Variants in NOS1AP observed in about 807,000 individuals in gnomAD.
The protein encoded by NOS1AP is nitric oxide synthase 1 adaptor protein.
Under a neutral mutation model 56.2 loss-of-function variants are expected in NOS1AP, and 21 were observed. The observed-to-expected ratio is 0.37, with a 90% confidence interval of 0.26 to 0.54. The LOEUF is 0.54. NOS1AP is among the 20% of genes least tolerant of loss of function. The pLI is 0.84. For missense variants in NOS1AP, 522 were observed against 657.8 expected, an observed-to-expected ratio of 0.79 and a Z score of 2.26; for synonymous variants, 270 against 274.6, an observed-to-expected ratio of 0.98 and a Z score of 0.17.
intron 1 of NOS1AP, among the ~76,000 whole-genome samples, chr1:162,117,371 CTT>C (rs886700944): frequency 2.6e-5 from 4 of 152,120 alleles, no homozygotes; most frequent in Admixed American, 6.5e-5. Flanking sequence ...CTTGGTAAGT[CTT>C]TTTTTAAACT....
At chr1:162,099,374 T>A (rs1692328123) in intron 1 of NOS1AP, among the ~76,000 whole-genome samples, 1 of 152,088 alleles carries the variant, frequency 6.6e-6, no homozygotes, top group Non-Finnish European at 1.5e-5. Flanking sequence ...GTATTTTTAG[T>A]AGAGATGGGG....
chr1:162,256,199 A>G (rs556373081), intron 2 of NOS1AP, among the ~76,000 whole-genome samples: 2 of 152,250 alleles, frequency 1.3e-5, no homozygotes, highest in African/African-American at 4.8e-5. Context: ...GTAAGCAGAC[A>G]GGGGACAGAT....
rs72713884 is a variant in NOS1AP at position 162,116,694 on chromosome 1, T to C, written c.106-37711T>C. On this transcript the variant is annotated intron_variant, in intron 1 of 9. Transcript: ENST00000361897. ...CACATAGGGAAAGGACAACTGGGCA[T>C]GCAGAGGATGGGTACAGTTTCTGAA... 8.6e-3 allele frequency among the ~76,000 whole-genome samples: 1,308 copies of C among 152,326 alleles called. 11 individuals are homozygous for C. Among genetic ancestry groups the C allele is most frequent in the South Asian group, 0.022 (107 of 4,820 alleles).
At chr1:162,299,753 G>GGTGT (rs138847283) in intron 3 of NOS1AP, among the ~76,000 whole-genome samples, 3 of 151,152 alleles carry the variant, frequency 2.0e-5, no homozygotes, top group African/African-American at 7.3e-5. Flanking sequence ...GATTAAATGT[G>GGTGT]GTGTGTGTGT....
At position 162,163,964 on chromosome 1, in the gene NOS1AP, A is replaced by G. The variant is rs115845063; in HGVS notation, c.177+9488A>G. Among the ~76,000 whole-genome samples the G allele has an allele frequency of 2.7e-3, 407 of 152,342 alleles. 5 individuals carry two copies. Among genetic ancestry groups the G allele is most frequent in the African/African-American group, 9.2e-3 (384 of 41,590 alleles). ...GGGAATGATTTTTAAACTGGGGCAG[A>G]ACTGCTGAATGCATTATCTGTCAGC... On this transcript the variant is annotated intron_variant, in intron 2 of 9. Transcript: ENST00000361897.
intron 1 of NOS1AP, among the ~76,000 whole-genome samples, chr1:162,115,281 A>C (rs963225580): frequency 6.6e-6 from 1 of 152,234 alleles, no homozygotes; most frequent in African/African-American, 2.4e-5. Flanking sequence ...ATAAGGGAAA[A>C]TAAAACAGTA....
At chr1:162,241,462 A>G (rs1240961538) in intron 2 of NOS1AP, among the ~76,000 whole-genome samples, 1 of 152,194 alleles carries the variant, frequency 6.6e-6, no homozygotes. Context: ...TGATGATAAT[A>G]GCTAGTTAAA....
At chr1:162,138,529 G>C (rs905515430) in intron 1 of NOS1AP, among the ~76,000 whole-genome samples, 16 of 152,206 alleles carry the variant, frequency 1.1e-4, no homozygotes, top group Non-Finnish European at 2.1e-4. Context: ...GATAGATAGT[G>C]GAGGGAGAAG....
intron 2 of NOS1AP, among the ~76,000 whole-genome samples, chr1:162,178,792 T>C (rs1171461421): frequency 1.3e-5 from 2 of 152,248 alleles, no homozygotes; most frequent in Non-Finnish European, 2.9e-5. Context: ...GTTGTAGCCT[T>C]GCCTAGGTGC....
At chr1:162,280,448 A>G (rs1027295590) in intron 2 of NOS1AP, among the ~76,000 whole-genome samples, 21 of 152,346 alleles carry the variant, frequency 1.4e-4, no homozygotes, top group Non-Finnish European at 8.8e-5. Context: ...TTTGTGGCCC[A>G]AAGTAGTGTT....
chr1:162,135,708 G>A lies in NOS1AP; in HGVS notation c.106-18697G>A, dbSNP rs187245629. 5.8e-4 allele frequency among the ~76,000 whole-genome samples: 89 copies of A among 152,262 alleles called. 1 individual carries two copies. The highest frequency in any genetic ancestry group is 3.4e-3 in the Middle Eastern group (1 of 294). Reference sequence around the variant, plus strand: ...TTCTGACCTCTGGAAACTCGGGGACGGTGAATTTCAAGACCAAAAGTGGCA... The same window carrying A: ...TTCTGACCTCTGGAAACTCGGGGACAGTGAATTTCAAGACCAAAAGTGGCA... On this transcript the variant is annotated intron_variant, in intron 1 of 9. Coordinates refer to ENST00000361897, the MANE Select transcript of NOS1AP (RefSeq NM_014697.3).
intron 6 of NOS1AP, among the ~76,000 whole-genome samples, chr1:162,345,543 G>C (rs893072395): frequency 6.6e-6 from 1 of 152,098 alleles, no homozygotes; most frequent in African/African-American, 2.4e-5. Flanking sequence ...CAAAGGTTTA[G>C]TTATTTACGT....
In NOS1AP at chr1:162,327,568, T is replaced by G. The variant is rs375563378; in HGVS notation, c.345-5449T>G. On this transcript the variant is annotated intron_variant, in intron 4 of 9. Coordinates refer to ENST00000361897, the MANE Select transcript of NOS1AP (RefSeq NM_014697.3). Reference sequence around the variant, plus strand: ...ACTTGGAAAAGGAAATCATGAACACTGAGAGCTAGTCCTAAAAAACCAGTT... The same window carrying G: ...ACTTGGAAAAGGAAATCATGAACACGGAGAGCTAGTCCTAAAAAACCAGTT... Among the ~76,000 whole-genome samples the G allele has an allele frequency of 3.9e-5, 6 of 152,338 alleles. No individual in the cohort carries two copies. The East Asian group carries it at 1.2e-3, about 29-fold the overall frequency.
At chr1:162,344,038 G>A in intron 6 of NOS1AP, 62 bp downstream of exon 6, 1 of 1,580,922 alleles carries the variant, frequency 6.3e-7, no homozygotes, top group Non-Finnish European at 8.7e-7. Flanking sequence ...GGCTCTGGTG[G>A]ATCACTGCCC....
intron 8 of NOS1AP, among the ~76,000 whole-genome samples, chr1:162,362,356 C>T (rs1204065306): frequency 1.3e-5 from 2 of 150,970 alleles, no homozygotes; most frequent in Non-Finnish European, 2.9e-5. Flanking sequence ...GAGGATGAGG[C>T]AGGAGAATCG....
At chr1:162,162,387 G>A (rs1286685433) in intron 2 of NOS1AP, among the ~76,000 whole-genome samples, 3 of 152,316 alleles carry the variant, frequency 2.0e-5, no homozygotes, top group East Asian at 1.9e-4. Flanking sequence ...CATGGTGCAC[G>A]GTACTGAAGG....
Position 162,083,299 on chromosome 1 carries a change from A to T in NOS1AP, c.105+13017A>T, listed in dbSNP as rs555837036. Among the ~76,000 whole-genome samples, 47 of 152,288 alleles carry T rather than the reference A, an allele frequency of 3.1e-4. No individual in the cohort carries two copies. In the South Asian group the frequency reaches 9.8e-3, roughly 32 times the overall value. ...AGAAGCATTTTATTGTTCTGCGGAG[A>T]GGAAGATTCATGTCTCCTGTGGGCC... On this transcript the variant is annotated intron_variant, in intron 1 of 9. Coordinates refer to ENST00000361897, the MANE Select transcript of NOS1AP (RefSeq NM_014697.3).
intron 2 of NOS1AP, among the ~76,000 whole-genome samples, chr1:162,199,203 T>A (rs1381756756): frequency 6.6e-6 from 1 of 152,166 alleles, no homozygotes. Context: ...CATGTGGGAC[T>A]TGAGGCAAGA....
chr1:162,204,228 C>T (rs1652090203), intron 2 of NOS1AP, among the ~76,000 whole-genome samples: 2 of 152,246 alleles, frequency 1.3e-5, no homozygotes, highest in South Asian at 4.1e-4. Context: ...TTCTCTGCTG[C>T]CCTACATTAC....
Sources: allele counts gnomAD v4.1 joint callset (sites outside exome capture counted in the v4.1 genomes callset), GRCh38; gene constraint gnomAD v4.1.1; transcripts MANE v1.5; gene names NCBI Gene and HGNC (gene_info 2026-07-23, HGNC 2026-07-21).